The following PAK2 variants were observed in gnomAD, a reference collection of about 807,000 sequenced individuals.
PAK2 encodes the protein p21 (RAC1) activated kinase 2.
PAK2 carries 21 observed loss-of-function variants against 65.9 expected under a neutral mutation model. The observed-to-expected ratio is 0.32, with a 90% CI of 0.23 to 0.46. The LOEUF is 0.46. PAK2 is among the 20% of genes least tolerant of loss of function. The pLI, the probability that PAK2 is intolerant of heterozygous loss-of-function variation, is 1.00. For missense variants in PAK2, 324 were observed against 642.6 expected (o/e 0.50, Z 5.36); for synonymous variants, 204 against 219.7 (o/e 0.93, Z 0.63).
chr3:196,798,274 G>GT (rs1330159883), intron 2 of PAK2, among the ~76,000 whole-genome samples: 1 of 152,084 alleles, frequency 6.6e-6, no homozygotes, highest in African/African-American at 2.4e-5. Flanking sequence ...GAGAGAGGTG[G>GT]TGGCACCCCT....
chr3:196,807,982 AT>A, intron 7 of PAK2, 68 bp downstream of exon 7: 1 of 1,479,674 alleles, frequency 6.8e-7, no homozygotes, highest in East Asian at 2.3e-5. Flanking sequence ...GCCCAGATGG[AT>A]TTTAACTTAC....
intron 12 of PAK2, among the ~76,000 whole-genome samples, chr3:196,819,391 G>A (rs1397059240): frequency 1.3e-5 from 2 of 152,134 alleles, no homozygotes; most frequent in Admixed American, 6.6e-5. Flanking sequence ...GCCGTGAGCC[G>A]AAATTGCTCT....
At chr3:196,785,315 C>G (rs1402705068) in intron 2 of PAK2, among the ~76,000 whole-genome samples, 1 of 151,996 alleles carries the variant, frequency 6.6e-6, no homozygotes, top group African/African-American at 2.4e-5. Context: ...TGGGTCCTGA[C>G]CAAAGATTTA....
chr3:196,762,966 T>C (rs1714034703), intron 1 of PAK2, among the ~76,000 whole-genome samples: 3 of 151,952 alleles, frequency 2.0e-5, no homozygotes, highest in Non-Finnish European at 4.4e-5. Flanking sequence ...AACAGGGTAA[T>C]TGAGTAATGA....
intron 7 of PAK2, 177 bp downstream of exon 7, chr3:196,808,091 A>C: frequency 1.9e-6 from 1 of 528,674 alleles, no homozygotes; most frequent in Non-Finnish European, 3.3e-6. Context: ...TTCACCCCTA[A>C]ATCCCAGCAC....
chr3:196,775,444 A>G (rs188352591), intron 1 of PAK2, among the ~76,000 whole-genome samples: 1 of 151,988 alleles, frequency 6.6e-6, no homozygotes, highest in Admixed American at 6.6e-5. Flanking sequence ...GTGCAGTGGT[A>G]CGATCTCGGC....
Position 196,812,201 on chromosome 3 carries a change from T to C in PAK2, c.774-18T>C. 6.8e-7 allele frequency: 1 copy of C among 1,474,382 alleles called. No homozygotes were observed. Among genetic ancestry groups the C allele is most frequent in the Non-Finnish European group, 9.5e-7 (1 of 1,052,878 alleles). The allele number at this position is 1,474,382 out of a possible 1,614,324, so 91.3% of individuals were successfully genotyped here. ...GATTTATCAACCTTAAATCTGGTTG[T>C]GTGTTTTCTCCCTCTAGGGCTTCTG... On this transcript the variant is annotated intron_variant, in intron 8 of 14. Transcript: ENST00000327134.
chr3:196,819,665 A>G (rs1577748931), intron 12 of PAK2, among the ~76,000 whole-genome samples: 1 of 152,178 alleles, frequency 6.6e-6, no homozygotes, highest in Admixed American at 6.6e-5. Flanking sequence ...GTTTAACAGT[A>G]TAAGAAAGAA....
intron 7 of PAK2, 92 bp downstream of exon 7, chr3:196,808,006 G>T: frequency 8.1e-7 from 1 of 1,234,866 alleles, no homozygotes. Flanking sequence ...TTTACATTGT[G>T]ACTTAAAGTA....
At chr3:196,761,439 C>T (rs1212169039) in intron 1 of PAK2, among the ~76,000 whole-genome samples, 3 of 73,728 alleles carry the variant, frequency 4.1e-5, no homozygotes, top group Admixed American at 1.7e-4. Flanking sequence ...CCTGAGTGGA[C>T]ACAGCACATG....
intron 2 of PAK2, among the ~76,000 whole-genome samples, chr3:196,790,696 G>T (rs1420043471): frequency 1.3e-5 from 2 of 152,136 alleles, no homozygotes; most frequent in Admixed American, 6.5e-5. Flanking sequence ...TGAGAGTCCG[G>T]GCCACTTACA....
At chr3:196,825,444 C>A (rs764154232) in intron 13 of PAK2, among the ~76,000 whole-genome samples, 1 of 151,860 alleles carries the variant, frequency 6.6e-6, no homozygotes, top group Non-Finnish European at 1.5e-5. Context: ...GAGTTTAAGA[C>A]CAGCCTGGCC....
chr3:196,797,184 G>A (rs780397844), intron 2 of PAK2, among the ~76,000 whole-genome samples: 5 of 152,104 alleles, frequency 3.3e-5, no homozygotes, highest in Non-Finnish European at 7.3e-5. Context: ...AAAAATGTTG[G>A]CCAGGCACGG....
chr3:196,807,728 G>C, intron 6 of PAK2, 54 bp from the exon 7 acceptor site: 1 of 1,034,030 alleles, frequency 9.7e-7, no homozygotes, highest in Non-Finnish European at 1.5e-6. Flanking sequence ...TTGCCAGGAA[G>C]AATATCTGAA....
At chr3:196,827,121 C>T (rs1371466243) in intron 13 of PAK2, 75 bp from the exon 14 acceptor site, 1 of 849,012 alleles carries the variant, frequency 1.2e-6, no homozygotes, top group Non-Finnish European at 1.8e-6. Context: ...AGAAAGAATC[C>T]CTTAGACTTT....
intron 1 of PAK2, among the ~76,000 whole-genome samples, chr3:196,777,616 A>G (rs1344373970): frequency 6.6e-6 from 1 of 152,182 alleles, no homozygotes; most frequent in Non-Finnish European, 1.5e-5. Flanking sequence ...CTTGTGGCCA[A>G]AATGTTTTGA....
intron 11 of PAK2, among the ~76,000 whole-genome samples, chr3:196,814,910 T>G (rs1035365292): frequency 6.6e-6 from 1 of 152,186 alleles, no homozygotes; most frequent in African/African-American, 2.4e-5. Flanking sequence ...CTGGGCGCGG[T>G]GGCTCACGCC....
intron 8 of PAK2, 103 bp downstream of exon 8, chr3:196,810,756 T>C (rs1715751491): frequency 1.5e-6 from 1 of 677,640 alleles, no homozygotes; most frequent in Non-Finnish European, 2.7e-6. Flanking sequence ...ACTTATATAG[T>C]ATTCTGTGAG....
chr3:196,831,698 A>G lies in PAK2; in HGVS notation c.*3293A>G, dbSNP rs1712090902. 1 of 152,244 alleles carries G rather than the reference A, an allele frequency of 6.6e-6. No homozygotes were observed. Among genetic ancestry groups the G allele is most frequent in the Non-Finnish European group, 1.5e-5 (1 of 68,048 alleles). 9.4% of individuals were successfully genotyped at this position (152,244 alleles called of 1,614,324 possible). On this transcript the variant is annotated 3_prime_UTR_variant, in exon 15 of 15. Coordinates refer to ENST00000327134, the MANE Select transcript of PAK2 (RefSeq NM_002577.4). ...AGCCAGAATAATTTTAGATCTGATC[A>G]GGTAGTAGCTAAAATTAGAAAAAAA...
Sources: gnomAD v4.1 joint callset for allele counts (sites outside exome capture counted in the v4.1 genomes callset) on GRCh38, gnomAD v4.1.1 for gene constraint, MANE v1.5 for transcripts, NCBI Gene and HGNC (gene_info 2026-07-23, HGNC 2026-07-21) for gene names.